GRID2: variants seen among roughly 807,000 people sequenced by gnomAD.
GRID2 encodes glutamate ionotropic receptor delta type subunit 2, also known as glutamate receptor ionotropic, delta-2.
Under a neutral mutation model 114.8 loss-of-function variants are expected in GRID2, and 33 were observed. That is an observed-to-expected ratio of 0.29 (90% CI 0.22 to 0.38). The LOEUF (loss-of-function observed/expected upper bound fraction) is 0.38, where lower values mean the gene tolerates loss of function less well. GRID2 is among the 10% of genes least tolerant of loss of function. GRID2 has a pLI of 1.00. For missense variants in GRID2, 1,184 were observed against 1,257.7 expected, an observed-to-expected ratio of 0.94 and a Z score of 0.89; for synonymous variants, 505 against 449.9, an observed-to-expected ratio of 1.12 and a Z score of -1.55.
chr4:92,627,586 A>G (rs1260427922), intron 2 of GRID2, among the ~76,000 whole-genome samples: 1 of 152,072 alleles, frequency 6.6e-6, no homozygotes, highest in East Asian at 1.9e-4. Context: ...CATAGCCAAC[A>G]TATTTGTGCA....
At chr4:93,425,582 T>G (rs1026471179) in intron 10 of GRID2, among the ~76,000 whole-genome samples, 7 of 152,198 alleles carry the variant, frequency 4.6e-5, no homozygotes, top group African/African-American at 1.7e-4. Flanking sequence ...TACTCTTTGC[T>G]AATTTTCCTA....
chr4:92,502,477 A>G (rs1031879295), intron 1 of GRID2, among the ~76,000 whole-genome samples: 6 of 152,024 alleles, frequency 3.9e-5, no homozygotes, highest in Admixed American at 2.0e-4. Flanking sequence ...TTGATTAAAT[A>G]TAACATAAAT....
intron 14 of GRID2, among the ~76,000 whole-genome samples, chr4:93,707,069 G>T (rs150824693): frequency 2.0e-5 from 3 of 152,178 alleles, no homozygotes; most frequent in African/African-American, 7.2e-5. Context: ...TGGTCATGAT[G>T]AATCATCTTT....
At chr4:92,878,214 C>T (rs557509145) in intron 2 of GRID2, among the ~76,000 whole-genome samples, 3 of 152,114 alleles carry the variant, frequency 2.0e-5, no homozygotes, top group Non-Finnish European at 4.4e-5. Context: ...ACATTGTCTG[C>T]ATTACATTAA....
intron 11 of GRID2, among the ~76,000 whole-genome samples, chr4:93,469,321 A>C: frequency 6.6e-6 from 1 of 152,210 alleles, no homozygotes; most frequent in East Asian, 1.9e-4. Flanking sequence ...AGAAATATAC[A>C]TATATATGGT....
chr4:93,312,289 T>C (rs923469241), intron 8 of GRID2, among the ~76,000 whole-genome samples: 1 of 152,174 alleles, frequency 6.6e-6, no homozygotes, highest in East Asian at 1.9e-4. Flanking sequence ...GCAGATTAAG[T>C]TTGAGTTTTT....
At chr4:92,398,489 A>G (rs1730617875) in intron 1 of GRID2, among the ~76,000 whole-genome samples, 1 of 152,004 alleles carries the variant, frequency 6.6e-6, no homozygotes, top group Non-Finnish European at 1.5e-5. Context: ...TTGGTAGACA[A>G]GTTTTTGCCA....
chr4:92,845,933 C>T (rs368179008), intron 2 of GRID2, among the ~76,000 whole-genome samples: 1 of 151,984 alleles, frequency 6.6e-6, no homozygotes. Flanking sequence ...CTTTCTGAAC[C>T]CTGTTTGATC....
chr4:92,807,685 A>G (rs1435119711), intron 2 of GRID2, among the ~76,000 whole-genome samples: 1 of 152,050 alleles, frequency 6.6e-6, no homozygotes. Context: ...AGACGTTGAT[A>G]AGATATGCTG....
At chr4:93,224,842 G>T (rs960602232) in intron 7 of GRID2, 67 bp downstream of exon 7, 7 of 1,132,214 alleles carry the variant, frequency 6.2e-6, no homozygotes, top group Admixed American at 2.2e-5. Context: ...TAGAAAAAGG[G>T]TTTCCTCTTT....
chr4:92,796,641 T>C (rs1044205273), intron 2 of GRID2, among the ~76,000 whole-genome samples: 8 of 151,974 alleles, frequency 5.3e-5, no homozygotes, highest in Admixed American at 2.0e-4. Flanking sequence ...ATTAAAAATA[T>C]GTTCAGGCAG....
chr4:92,961,401 A>C (rs1343882133), intron 2 of GRID2, among the ~76,000 whole-genome samples: 1 of 150,580 alleles, frequency 6.6e-6, no homozygotes, highest in Non-Finnish European at 1.5e-5. Context: ...TTTTGGTCTA[A>C]GAAAATTCTT....
chr4:92,469,568 A>T (rs1340372708), intron 1 of GRID2, among the ~76,000 whole-genome samples: 2 of 151,980 alleles, frequency 1.3e-5, no homozygotes, highest in Non-Finnish European at 2.9e-5. Flanking sequence ...ATTATTTCTT[A>T]AAAAATATTT....
intron 8 of GRID2, among the ~76,000 whole-genome samples, chr4:93,327,301 T>C (rs1384280545): frequency 6.6e-5 from 10 of 152,188 alleles, no homozygotes; most frequent in Non-Finnish European, 1.5e-5. Context: ...GTCCAAAATA[T>C]AAATTTTACT....
At chr4:93,099,590 C>A (rs1023311063) in intron 3 of GRID2, among the ~76,000 whole-genome samples, 5 of 151,234 alleles carry the variant, frequency 3.3e-5, no homozygotes, top group Non-Finnish European at 7.4e-5. Flanking sequence ...TTTTTGTTAC[C>A]CATATGCACA....
chr4:92,833,627 C>A (rs1368082125), intron 2 of GRID2: 1 of 152,108 alleles, frequency 6.6e-6, no homozygotes, highest in East Asian at 1.9e-4. Flanking sequence ...AAAGGATAAC[C>A]AATTCTAAAG....
chr4:92,990,198 CTGTGTGTGTGTGTGTGTGTGTGTGTG>C (rs3970985), intron 2 of GRID2, among the ~76,000 whole-genome samples: 11 of 124,802 alleles, frequency 8.8e-5, no homozygotes, highest in East Asian at 7.5e-4. Flanking sequence ...TTAACATTTT[CTGTGTGTGTGTGTGTGTGTGTGTGTG>C]TGTGTGTGTG....
chr4:93,180,596 T>G (rs993070431), intron 4 of GRID2, among the ~76,000 whole-genome samples: 2 of 152,148 alleles, frequency 1.3e-5, no homozygotes, highest in Non-Finnish European at 2.9e-5. Context: ...GAGAAGAACT[T>G]CTGTCAAAAT....
At chr4:93,286,311 A>T (rs148847569) in intron 8 of GRID2, among the ~76,000 whole-genome samples, 2 of 152,156 alleles carry the variant, frequency 1.3e-5, no homozygotes, top group Non-Finnish European at 2.9e-5. Context: ...ATTAACCAGA[A>T]AATTTAGATT....
Sources: gnomAD v4.1 joint callset for allele counts (sites outside exome capture counted in the v4.1 genomes callset) on GRCh38, gnomAD v4.1.1 for gene constraint, MANE v1.5 for transcripts, NCBI Gene and HGNC (gene_info 2026-07-23, HGNC 2026-07-21) for gene names.